Variants in TAF4 observed in about 807,000 individuals in gnomAD.
TAF4 encodes transcription initiation factor TFIID subunit 4.
TAF4 carries 9 observed loss-of-function variants against 90.3 expected under a neutral mutation model. That is an observed-to-expected ratio of 0.10 (90% CI 0.06 to 0.17). The LOEUF (loss-of-function observed/expected upper bound fraction) is 0.17. Among genes scored for constraint, TAF4 ranks in the 10% least tolerant of loss-of-function variants. The pLI, the probability that TAF4 is intolerant of heterozygous loss-of-function variation, is 1.00. For synonymous variants in TAF4, 818 were observed against 638.9 expected, an observed-to-expected ratio of 1.28 and a Z score of -4.23; for missense variants, 1,351 against 1,370.7, an observed-to-expected ratio of 0.99 and a Z score of 0.23.
At chr20:62,038,807 C>T (rs1247996539) in intron 1 of TAF4, among the ~76,000 whole-genome samples, 1 of 152,178 alleles carries the variant, frequency 6.6e-6, no homozygotes, top group African/African-American at 2.4e-5. Context: ...AATCCCAGCA[C>T]TTTGAGAGGC....
At chr20:61,987,470 T>C (rs537265967) in intron 14 of TAF4, among the ~76,000 whole-genome samples, 2 of 152,086 alleles carry the variant, frequency 1.3e-5, no homozygotes, top group Admixed American at 6.5e-5. Context: ...CTCAACAATA[T>C]CAACAATAAG....
intron 1 of TAF4, among the ~76,000 whole-genome samples, chr20:62,018,454 A>G (rs2055824826): frequency 6.6e-6 from 1 of 152,266 alleles, no homozygotes; most frequent in Non-Finnish European, 1.5e-5. Context: ...CTAATTTAAG[A>G]GTAATCAACC....
At chr20:62,001,563 C>T (rs1037944258) in intron 9 of TAF4, among the ~76,000 whole-genome samples, 4 of 152,150 alleles carry the variant, frequency 2.6e-5, no homozygotes, top group Non-Finnish European at 4.4e-5. Flanking sequence ...CGGGGGCCTG[C>T]CTGGCGTCTC....
chr20:62,002,278 C>T (rs986257767), intron 9 of TAF4, among the ~76,000 whole-genome samples: 2 of 152,206 alleles, frequency 1.3e-5, no homozygotes, highest in Admixed American at 1.3e-4. Context: ...AGCCACTCCC[C>T]AGGCCTGCTA....
At chr20:62,007,493 G>T in intron 6 of TAF4, 54 bp downstream of exon 6, 1 of 1,555,122 alleles carries the variant, frequency 6.4e-7, no homozygotes, top group Non-Finnish European at 8.9e-7. Context: ...GTGCATCTGC[G>T]CCCCACCCCT....
At chr20:61,990,033 G>A (rs1261457899) in intron 14 of TAF4, among the ~76,000 whole-genome samples, 1 of 152,182 alleles carries the variant, frequency 6.6e-6, no homozygotes. Context: ...AATCGGCCAC[G>A]ACGCTGTGGA....
At chr20:61,990,461 C>T (rs192184159) in intron 14 of TAF4, among the ~76,000 whole-genome samples, 40 of 152,270 alleles carry the variant, frequency 2.6e-4, no homozygotes, top group East Asian at 9.7e-4. Flanking sequence ...CAAAAGCCAG[C>T]GGACAATCTT....
intron 14 of TAF4, among the ~76,000 whole-genome samples, chr20:61,989,135 G>A (rs1027818535): frequency 5.2e-4 from 79 of 152,016 alleles, no homozygotes; most frequent in African/African-American, 1.8e-3. Context: ...GTCTCAACAC[G>A]AACACACAGG....
chr20:61,988,636 A>C (rs953591911), intron 14 of TAF4, among the ~76,000 whole-genome samples: 2 of 152,224 alleles, frequency 1.3e-5, no homozygotes, highest in African/African-American at 4.8e-5. Flanking sequence ...AAGGACTTTT[A>C]CTTTCTGGGT....
intron 14 of TAF4, among the ~76,000 whole-genome samples, chr20:61,994,646 C>T (rs2055652463): frequency 6.6e-6 from 1 of 152,176 alleles, no homozygotes; most frequent in Non-Finnish European, 1.5e-5. Flanking sequence ...AGCCCCAGCA[C>T]GGAGGTCTGG....
intron 14 of TAF4, among the ~76,000 whole-genome samples, chr20:61,982,659 G>A (rs111403591): frequency 9.4e-5 from 5 of 52,978 alleles, no homozygotes; most frequent in African/African-American, 1.6e-4. Context: ...CCCGAGAGGA[G>A]ACACCAAACC....
intron 1 of TAF4, among the ~76,000 whole-genome samples, chr20:62,040,463 G>A (rs2055957341): frequency 2.0e-5 from 3 of 152,248 alleles, no homozygotes; most frequent in African/African-American, 7.2e-5. Flanking sequence ...CGGGGAGGAA[G>A]CTGGAGCAGG....
At chr20:62,020,852 G>C (rs1265363791) in intron 1 of TAF4, among the ~76,000 whole-genome samples, 1 of 152,228 alleles carries the variant, frequency 6.6e-6, no homozygotes, top group East Asian at 1.9e-4. Context: ...ATGAGAAAAT[G>C]TGAAGGAGCA....
intron 1 of TAF4, among the ~76,000 whole-genome samples, chr20:62,031,059 G>C (rs2055901790): frequency 6.6e-6 from 1 of 152,202 alleles, no homozygotes; most frequent in Non-Finnish European, 1.5e-5. Context: ...TAGGTGAAAG[G>C]CTTCTGTTGA....
At chr20:62,004,688 C>T (rs2055733038) in intron 7 of TAF4, 1 of 152,198 alleles carries the variant, frequency 6.6e-6, no homozygotes, top group Non-Finnish European at 1.5e-5. Flanking sequence ...GTTAGAGTTC[C>T]TAAGTCCTGC....
chr20:62,051,721 T>C (rs1270247560), intron 1 of TAF4, among the ~76,000 whole-genome samples: 1 of 152,138 alleles, frequency 6.6e-6, no homozygotes, highest in African/African-American at 2.4e-5. Flanking sequence ...GCCCCTGCCA[T>C]GGCACCACTT....
At chr20:61,995,929 T>A (rs2055660387) in intron 14 of TAF4, among the ~76,000 whole-genome samples, 1 of 151,826 alleles carries the variant, frequency 6.6e-6, no homozygotes, top group Non-Finnish European at 1.5e-5. Context: ...TGTTCCAAAT[T>A]TGATGAAAGA....
chr20:62,014,642 T>C lies in TAF4; in HGVS notation c.1426A>G (p.Met476Val). 6 of 1,614,024 alleles carry C rather than the reference T, an allele frequency of 3.7e-6. No homozygotes were observed. The highest frequency in any genetic ancestry group is 5.1e-6 in the Non-Finnish European group (6 of 1,179,988). Residue 476 changes from methionine (M) to valine (V), a missense_variant, in exon 2 of 15, where the codon ATG (methionine) becomes GTG (valine). This residue lies in a region of TAF4 where 143 missense variants were observed against 176.3 expected (regional missense o/e 0.81). Coordinates refer to ENST00000252996, the MANE Select transcript of TAF4 (RefSeq NM_003185.4). ...GGCTGGGCATGGGCCTGCGCCTGCA[T>C]CTGGGCCAAGGCCTGCTGAGGAATC... is the stretch of plus-strand genomic sequence containing the variant. ...LMIPQQALAQ[M>V]QAQAHAQPQT...
In TAF4 at chr20:62,028,947, A is replaced by G. The variant is rs531291441; in HGVS notation, c.1361-14240T>C. On this transcript the variant is annotated intron_variant, in intron 1 of 14. Transcript: ENST00000252996. Reference sequence around the variant, plus strand: ...CGCAGTGGCTCACACCTGTAATCCCAGCACTTTGGGAGGCCAAGGCAGGCG... The same window carrying G: ...CGCAGTGGCTCACACCTGTAATCCCGGCACTTTGGGAGGCCAAGGCAGGCG... Among the ~76,000 whole-genome samples the G allele has an allele frequency of 4.1e-4, 63 of 152,338 alleles. 1 individual carries two copies. Among genetic ancestry groups the G allele is most frequent in the Non-Finnish European group, 8.8e-5 (6 of 68,026 alleles).
Sources: gnomAD v4.1 joint callset for allele counts (sites outside exome capture counted in the v4.1 genomes callset) on GRCh38, gnomAD v4.1.1 for gene constraint, gnomAD v4.1.1 regional missense constraint, MANE v1.5 for transcripts, NCBI Gene and HGNC (gene_info 2026-07-23, HGNC 2026-07-21) for gene names.